The following TEKTL1 variants were observed in gnomAD, a reference collection of about 807,000 sequenced individuals.
The protein encoded by TEKTL1 is tektin like 1.
At chr19:15,011,911 A>G in the TEKTL1 span, among the ~76,000 whole-genome samples, 2 of 151,970 alleles carry the variant, frequency 1.3e-5, no homozygotes, top group Non-Finnish European at 2.9e-5. Flanking sequence ...CTATGATGGC[A>G]CCACTGTGTT....
the TEKTL1 span, chr19:15,023,193 T>C: frequency 7.4e-7 from 1 of 1,357,002 alleles, no homozygotes; most frequent in Non-Finnish European, 9.8e-7. Context: ...CACAGCCCCA[T>C]GGCCCTCCCT....
chr19:15,020,466 G>A, the TEKTL1 span: 1 of 1,612,594 alleles, frequency 6.2e-7, no homozygotes, highest in Non-Finnish European at 8.5e-7. Flanking sequence ...CCCAGACCCT[G>A]GCCTCCTGCC....
chr19:15,011,458 G>A, the TEKTL1 span: 1 of 1,321,082 alleles, frequency 7.6e-7, no homozygotes, highest in Admixed American at 3.9e-5. Flanking sequence ...CCGCTATGCG[G>A]TGTCCAGCCC....
the TEKTL1 span, chr19:15,023,120 T>G: frequency 1.3e-6 from 2 of 1,590,536 alleles, no homozygotes; most frequent in South Asian, 1.1e-5. Flanking sequence ...GGACCCCTAG[T>G]GACCCCAGCG....
At chr19:15,022,007 C>T in the TEKTL1 span, 1 of 1,031,222 alleles carries the variant, frequency 9.7e-7, no homozygotes, top group Non-Finnish European at 1.4e-6. Context: ...GGTATGATCC[C>T]CCTCTCACCC....
At chr19:15,015,330 A>G in the TEKTL1 span, among the ~76,000 whole-genome samples, 38,982 of 152,050 alleles carry the variant, frequency 0.26, 5,216 homozygotes, top group Admixed American at 0.29. Flanking sequence ...CATGAAGTCA[A>G]ACCTCAAATT....
chr19:15,010,849 T>A, the TEKTL1 span: 2 of 1,546,572 alleles, frequency 1.3e-6, no homozygotes, highest in Non-Finnish European at 1.7e-6. Context: ...TACCCCCGGC[T>A]GAGCGCAGCC....
chr19:15,021,620 G>A, the TEKTL1 span: 1 of 1,614,110 alleles, frequency 6.2e-7, no homozygotes, highest in South Asian at 1.1e-5. Flanking sequence ...CCCCAGGAAA[G>A]ATTAAATATG....
chr19:15,017,646 G>A, the TEKTL1 span, among the ~76,000 whole-genome samples: 3 of 152,162 alleles, frequency 2.0e-5, no homozygotes, highest in African/African-American at 4.8e-5. Context: ...AGATCAAGAT[G>A]TGGGTATAGT....
At chr19:15,013,282 C>T in the TEKTL1 span, among the ~76,000 whole-genome samples, 2 of 152,076 alleles carry the variant, frequency 1.3e-5, no homozygotes, top group Admixed American at 6.6e-5. Context: ...CCTCATCATC[C>T]GTATGATATG....
At chr19:15,011,291 C>A in the TEKTL1 span, 1 of 1,523,198 alleles carries the variant, frequency 6.6e-7, no homozygotes, top group East Asian at 2.6e-5. Context: ...ACAGCTGCTG[C>A]GCCAGCGCGA....
At chr19:15,011,889 G>A in the TEKTL1 span, among the ~76,000 whole-genome samples, 14 of 152,124 alleles carry the variant, frequency 9.2e-5, no homozygotes, top group Non-Finnish European at 1.6e-4. Context: ...AGGCCTTCCA[G>A]GTTGCAGTGA....
the TEKTL1 span, among the ~76,000 whole-genome samples, chr19:15,014,060 T>C: frequency 6.6e-6 from 1 of 152,082 alleles, no homozygotes; most frequent in Non-Finnish European, 1.5e-5. Context: ...ATTTCCTCAA[T>C]AGAGATGGGA....
At chr19:15,021,607 TGCC>T in the TEKTL1 span, 1 of 1,613,982 alleles carries the variant, frequency 6.2e-7, no homozygotes, top group South Asian at 1.1e-5. Flanking sequence ...TGCGCTTCCC[TGCC>T]CCCAGGAAAG....
the TEKTL1 span, among the ~76,000 whole-genome samples, chr19:15,011,750 A>T: frequency 6.6e-6 from 1 of 151,432 alleles, no homozygotes; most frequent in Non-Finnish European, 1.5e-5. Flanking sequence ...AAAAAAAAAA[A>T]AATATTTCCA....
the TEKTL1 span, among the ~76,000 whole-genome samples, chr19:15,022,681 T>C: frequency 6.6e-6 from 1 of 150,998 alleles, no homozygotes. Flanking sequence ...CCTACACATC[T>C]TGACTAGATG....
the TEKTL1 span, among the ~76,000 whole-genome samples, chr19:15,019,739 A>C: frequency 4.6e-5 from 7 of 152,040 alleles, no homozygotes; most frequent in Non-Finnish European, 8.8e-5. Context: ...TGCAATCCTA[A>C]AACTTTGGGA....
the TEKTL1 span, chr19:15,013,913 G>A: frequency 2.8e-5 from 17 of 616,746 alleles, no homozygotes; most frequent in African/African-American, 9.3e-5. Flanking sequence ...ACTGCATTTT[G>A]CTTTGTGAAA....
At chr19:15,023,105 A>G in the TEKTL1 span, 2 of 1,605,140 alleles carry the variant, frequency 1.2e-6, no homozygotes, top group East Asian at 4.5e-5. Flanking sequence ...CAGCAAGAGC[A>G]GCGCGGACCC....
Sources: gnomAD v4.1 joint callset for allele counts (sites outside exome capture counted in the v4.1 genomes callset) on GRCh38, gnomAD v4.1.1 for gene constraint, MANE v1.5 for transcripts, NCBI Gene and HGNC (gene_info 2026-07-23, HGNC 2026-07-21) for gene names.